CD34: variants seen among roughly 807,000 people sequenced by gnomAD.
The protein encoded by CD34 is CD34 molecule.
CD34 carries 34 observed loss-of-function variants against 40.1 expected under a neutral mutation model. The observed-to-expected ratio is 0.85, with a 90% CI of 0.65 to 1.13. The LOEUF (loss-of-function observed/expected upper bound fraction) is 1.13. Ranked by LOEUF, CD34 falls within the 50% of genes most tolerant of loss-of-function variation. CD34 has a pLI of 0.00. For synonymous variants in CD34, 209 were observed against 190.0 expected, an observed-to-expected ratio of 1.10 and a Z score of -0.82; for missense variants, 426 against 466.9, an observed-to-expected ratio of 0.91 and a Z score of 0.81.
chr1:207,900,879 G>A (rs1423245685), intron 1 of CD34, among the ~76,000 whole-genome samples: 1 of 152,096 alleles, frequency 6.6e-6, no homozygotes, highest in Admixed American at 6.6e-5. Flanking sequence ...GATAAACAAT[G>A]AGATAACAAA....
At chr1:207,908,499 C>T (rs987140292) in intron 1 of CD34, among the ~76,000 whole-genome samples, 1 of 152,218 alleles carries the variant, frequency 6.6e-6, no homozygotes, top group Non-Finnish European at 1.5e-5. Context: ...TTTTATTTTT[C>T]CCCTCTTACA....
At chr1:207,889,401 A>G in intron 5 of CD34, 64 bp downstream of exon 5, 1 of 1,553,068 alleles carries the variant, frequency 6.4e-7, no homozygotes, top group South Asian at 1.2e-5. Flanking sequence ...CCCCATCTCC[A>G]CCCAGGATTC....
At position 207,899,940 on chromosome 1, in the gene CD34, G is replaced by A. The variant is rs1333090767; in HGVS notation, c.143C>T (p.Thr48Ile). Residue 48 changes from threonine (T) to isoleucine (I), a missense_variant, in exon 2 of 8, where the codon ACA (threonine) becomes ATA (isoleucine). Thr to Ile is a moderately conservative substitution (Grantham distance 89). Transcript: ENST00000310833. ...TATPELPTQG[T>I]FSNVSTNVSY... The stretch of plus-strand genomic sequence containing the variant: ...TACATTTGTAGAAACATTTGAAAAT[G>A]TTCCCTGGGTAGGTAACTCTGGGGT... 1 of 1,613,978 alleles carries A rather than the reference G, an allele frequency of 6.2e-7. No homozygotes were observed. Among genetic ancestry groups the A allele is most frequent in the Non-Finnish European group, 8.5e-7 (1 of 1,179,896 alleles).
chr1:207,906,673 C>T (rs527633452), intron 1 of CD34, among the ~76,000 whole-genome samples: 8 of 151,936 alleles, frequency 5.3e-5, no homozygotes, highest in South Asian at 4.2e-4. Flanking sequence ...AGAGAAAACC[C>T]GTCTCTACTA....
At chr1:207,898,923 A>G in intron 3 of CD34, 50 bp downstream of exon 3, 1 of 1,597,636 alleles carries the variant, frequency 6.3e-7, no homozygotes, top group South Asian at 1.1e-5. Context: ...GCTTGCCTGC[A>G]TACATATGAA....
At chr1:207,890,199 G>C in intron 4 of CD34, 1 of 1,007,386 alleles carries the variant, frequency 9.9e-7, no homozygotes, top group Non-Finnish European at 1.2e-6. Flanking sequence ...ATGGAACCCA[G>C]TTTTAATGAA....
At chr1:207,897,841 A>C (rs1662182126) in intron 3 of CD34, among the ~76,000 whole-genome samples, 1 of 152,158 alleles carries the variant, frequency 6.6e-6, no homozygotes, top group Non-Finnish European at 1.5e-5. Context: ...CTTGGTAAAC[A>C]CTGGCTTGGA....
At chr1:207,902,720 C>T (rs1336973627) in intron 1 of CD34, among the ~76,000 whole-genome samples, 1 of 152,208 alleles carries the variant, frequency 6.6e-6, no homozygotes, top group Non-Finnish European at 1.5e-5. Flanking sequence ...AATCCCCTCC[C>T]CCGAAGGGCC....
At chr1:207,908,450 C>T (rs1447589550) in intron 1 of CD34, among the ~76,000 whole-genome samples, 1 of 152,270 alleles carries the variant, frequency 6.6e-6, no homozygotes, top group Non-Finnish European at 1.5e-5. Context: ...GGGTGGAGTC[C>T]TCTCCCCTCT....
At chr1:207,910,631 T>G (rs1379985419) in intron 1 of CD34, among the ~76,000 whole-genome samples, 1 of 152,136 alleles carries the variant, frequency 6.6e-6, no homozygotes, top group Non-Finnish European at 1.5e-5. Flanking sequence ...GCCACAAAAC[T>G]TTTCCTGCTT....
At chr1:207,900,452 T>A (rs1662251193) in intron 1 of CD34, among the ~76,000 whole-genome samples, 1 of 152,228 alleles carries the variant, frequency 6.6e-6, no homozygotes, top group Admixed American at 6.5e-5. Flanking sequence ...ATTGCAAAGA[T>A]CTAATGTGTG....
chr1:207,904,180 T>C (rs1440334437), intron 1 of CD34, among the ~76,000 whole-genome samples: 3 of 152,196 alleles, frequency 2.0e-5, no homozygotes, highest in Non-Finnish European at 4.4e-5. Context: ...CTATACTTGG[T>C]CTTGCTTTTC....
At chr1:207,889,714 C>A (rs1661989866) in intron 4 of CD34, 93 bp from the exon 5 acceptor site, 1 of 1,604,752 alleles carries the variant, frequency 6.2e-7, no homozygotes, top group Non-Finnish European at 8.5e-7. Context: ...CATACTCTTA[C>A]CCCGTCCGCA....
intron 1 of CD34, among the ~76,000 whole-genome samples, chr1:207,901,563 G>A (rs1662271985): frequency 6.6e-6 from 1 of 152,242 alleles, no homozygotes; most frequent in African/African-American, 2.4e-5. Flanking sequence ...AAGGGAAGTG[G>A]GCTGGGGCCA....
chr1:207,888,063 G>A (rs1314289148), intron 7 of CD34, 140 bp from the exon 8 acceptor site: 4 of 1,612,754 alleles, frequency 2.5e-6, no homozygotes, highest in Non-Finnish European at 3.4e-6. Context: ...CGGAGGGAGG[G>A]TGCAGCTGCA....
At chr1:207,893,203 A>G (rs191881889) in intron 4 of CD34, among the ~76,000 whole-genome samples, 1 of 152,320 alleles carries the variant, frequency 6.6e-6, no homozygotes, top group East Asian at 1.9e-4. Context: ...CAAACACAAT[A>G]AACCCATCTA....
chr1:207,885,556 G>C lies in CD34; in HGVS notation c.*2182C>G, dbSNP rs1661883029. The C allele has an allele frequency of 6.6e-6, 1 of 151,878 alleles. No homozygotes were observed. The highest frequency in any genetic ancestry group is 2.4e-5 in the African/African-American group (1 of 41,310). The allele number at this position is 151,878 out of a possible 1,614,324, so 9.4% of individuals were successfully genotyped here. A position where few individuals can be genotyped will look rare whatever the true frequency, so the allele number is the denominator to read the frequency against. ...CCCACCCCTCCTACTTGATGTCCTA[G>C]CTGGGACAGACCCTCACTGGATTAC... On this transcript the variant is annotated 3_prime_UTR_variant, in exon 8 of 8. Coordinates refer to ENST00000310833, the MANE Select transcript of CD34 (RefSeq NM_001025109.2).
intron 5 of CD34, 109 bp from the exon 6 acceptor site, chr1:207,889,322 G>A (rs921478530): frequency 2.5e-5 from 39 of 1,560,164 alleles, no homozygotes; most frequent in Admixed American, 2.3e-4. Context: ...GGTCCATCTC[G>A]GGGGGACCGC....
chr1:207,894,964 A>G (rs181866682), intron 4 of CD34, among the ~76,000 whole-genome samples: 140 of 152,328 alleles, frequency 9.2e-4, no homozygotes, highest in African/African-American at 3.2e-3. Context: ...TCATGCACAT[A>G]TATTCCTGTT....
Sources: gnomAD v4.1 joint callset for allele counts (sites outside exome capture counted in the v4.1 genomes callset) on GRCh38, gnomAD v4.1.1 for gene constraint, MANE v1.5 for transcripts, NCBI Gene and HGNC (gene_info 2026-07-23, HGNC 2026-07-21) for gene names.